The following FA2H variants were observed in gnomAD, a reference collection of about 807,000 sequenced individuals.
FA2H encodes the protein fatty acid 2-hydroxylase, also known as fatty acid alpha-hydroxylase.
In FA2H, 22 loss-of-function variants were observed where a neutral mutation model predicts 44.9. The ratio of observed to expected loss-of-function variants is 0.49; its 90% CI spans 0.35 to 0.70. FA2H has a LOEUF of 0.70. FA2H is among the 30% of genes least tolerant of loss of function. FA2H has a pLI of 0.01. For missense variants in FA2H, 501 were observed against 504.9 expected (o/e 0.99, Z 0.07); for synonymous variants, 243 against 213.2 (o/e 1.14, Z -1.22).
chr16:74,715,881 T>C (rs1433195776), intron 6 of FA2H, among the ~76,000 whole-genome samples: 1 of 151,324 alleles, frequency 6.6e-6, no homozygotes, highest in Non-Finnish European at 1.5e-5. Context: ...AGTGGTGCAA[T>C]CTTAGCTCAC....
At chr16:74,763,710 C>A (rs2144661191) in intron 1 of FA2H, among the ~76,000 whole-genome samples, 1 of 152,108 alleles carries the variant, frequency 6.6e-6, no homozygotes. Context: ...AATTCTACTC[C>A]CCCTCTTAAA....
At chr16:74,721,077 G>A (rs544390925) in intron 4 of FA2H, among the ~76,000 whole-genome samples, 2 of 152,306 alleles carry the variant, frequency 1.3e-5, no homozygotes, top group South Asian at 4.1e-4. Flanking sequence ...TTGGGTACAA[G>A]CCCAGGAGTG....
chr16:74,725,893 T>G (rs1044990012), intron 4 of FA2H: 7 of 367,928 alleles, frequency 1.9e-5, no homozygotes, highest in Middle Eastern at 9.4e-4. Flanking sequence ...TCATTTAGTT[T>G]CTTAGCAAAG....
Position 74,774,769 on chromosome 16 carries a change from A to G in FA2H, c.-14T>C, listed in dbSNP as rs1168383374. ...AGCGGGGGCCATGGCCGGAGACCGCAGCTCCCAGCGCGCAGCCCGGCGTCT... is the reference window on the plus strand; with the variant it reads ...AGCGGGGGCCATGGCCGGAGACCGCGGCTCCCAGCGCGCAGCCCGGCGTCT... On this transcript the variant is annotated 5_prime_UTR_variant, in exon 1 of 7. Transcript: ENST00000219368. The G allele has an allele frequency of 7.8e-7, 1 of 1,285,406 alleles. No individual in the cohort carries two copies. Among genetic ancestry groups the G allele is most frequent in the Non-Finnish European group, 9.8e-7 (1 of 1,022,516 alleles). The allele number at this position is 1,285,406 out of a possible 1,614,324, so 79.6% of individuals were successfully genotyped here. A position where few individuals can be genotyped will look rare whatever the true frequency, so the allele number is the denominator to read the frequency against.
intron 6 of FA2H, among the ~76,000 whole-genome samples, chr16:74,715,143 C>T (rs941191365): frequency 1.3e-5 from 2 of 151,804 alleles, no homozygotes; most frequent in African/African-American, 4.8e-5. Context: ...GAGCAACTTA[C>T]CTATGTGAAC....
At chr16:74,715,367 T>C (rs1162241543) in intron 6 of FA2H, among the ~76,000 whole-genome samples, 2 of 151,628 alleles carry the variant, frequency 1.3e-5, no homozygotes, top group Non-Finnish European at 2.9e-5. Context: ...TCATAGCTCA[T>C]TGCTGCCTCA....
intron 1 of FA2H, among the ~76,000 whole-genome samples, chr16:74,744,586 G>A (rs1315577798): frequency 6.6e-6 from 1 of 151,604 alleles, no homozygotes; most frequent in Non-Finnish European, 1.5e-5. Context: ...CAAGTAGCTG[G>A]GATGATGGGT....
chr16:74,747,335 A>T (rs150971520), intron 1 of FA2H, among the ~76,000 whole-genome samples: 60 of 476 alleles, frequency 0.13, 2 homozygotes, highest in South Asian at 0.47. Context: ...AATAAATAAG[A>T]AAGAAAGAAA....
At chr16:74,737,242 G>A (rs538969467) in intron 2 of FA2H, among the ~76,000 whole-genome samples, 33 of 152,278 alleles carry the variant, frequency 2.2e-4, no homozygotes, top group Admixed American at 7.2e-4. Context: ...AGGGGGACAC[G>A]TGTGTCCAGG....
At chr16:74,739,961 T>C in intron 2 of FA2H, 62 bp downstream of exon 2, 1 of 1,279,798 alleles carries the variant, frequency 7.8e-7, no homozygotes, top group Non-Finnish European at 1.1e-6. Context: ...CCACACACCC[T>C]CTTCCTCTCC....
At chr16:74,752,789 G>T (rs1458426413) in intron 1 of FA2H, among the ~76,000 whole-genome samples, 1 of 152,182 alleles carries the variant, frequency 6.6e-6, no homozygotes, top group Non-Finnish European at 1.5e-5. Context: ...CCTCACCTTT[G>T]GGGACTGTCC....
chr16:74,765,487 C>T (rs1962792677), intron 1 of FA2H, among the ~76,000 whole-genome samples: 2 of 151,764 alleles, frequency 1.3e-5, no homozygotes, highest in African/African-American at 2.4e-5. Context: ...CTTGCATATG[C>T]TAATATTTCC....
At chr16:74,729,201 G>A (rs1030225312) in intron 2 of FA2H, among the ~76,000 whole-genome samples, 2 of 152,028 alleles carry the variant, frequency 1.3e-5, no homozygotes, top group African/African-American at 4.8e-5. Context: ...GTAGACAAGG[G>A]GTTTCACCAT....
At chr16:74,763,094 G>C (rs1050305150) in intron 1 of FA2H, among the ~76,000 whole-genome samples, 1 of 152,180 alleles carries the variant, frequency 6.6e-6, no homozygotes, top group Admixed American at 6.5e-5. Context: ...CTCCACAACA[G>C]GGTCCCAAAG....
At chr16:74,717,110 C>A (rs1435103077) in intron 5 of FA2H, 1 of 154,914 alleles carries the variant, frequency 6.5e-6, no homozygotes, top group Non-Finnish European at 1.4e-5. Flanking sequence ...GGTGTCCTCC[C>A]CACCCCCATG....
At chr16:74,717,598 G>GC (rs745742563) in intron 5 of FA2H, among the ~76,000 whole-genome samples, 8 of 152,222 alleles carry the variant, frequency 5.3e-5, no homozygotes, top group Non-Finnish European at 1.2e-4. Flanking sequence ...GCTGGTATGG[G>GC]CCAGATCCGG....
At chr16:74,764,550 G>A (rs1033135099) in intron 1 of FA2H, among the ~76,000 whole-genome samples, 5 of 152,128 alleles carry the variant, frequency 3.3e-5, no homozygotes, top group Non-Finnish European at 7.4e-5. Context: ...GGAAACAACA[G>A]ATACCTGAGG....
At chr16:74,734,908 C>T (rs762119750) in intron 2 of FA2H, among the ~76,000 whole-genome samples, 181 of 152,360 alleles carry the variant, frequency 1.2e-3, no homozygotes, top group Admixed American at 2.1e-3. Context: ...CAAACTCAGG[C>T]ATATTGCCCC....
chr16:74,738,817 A>T (rs1197903616), intron 2 of FA2H, among the ~76,000 whole-genome samples: 2 of 152,214 alleles, frequency 1.3e-5, no homozygotes, highest in Non-Finnish European at 2.9e-5. Flanking sequence ...GAGGTTCGGA[A>T]ACCAGGTCCC....
Sources: gnomAD v4.1 joint callset for allele counts (sites outside exome capture counted in the v4.1 genomes callset) on GRCh38, gnomAD v4.1.1 for gene constraint, MANE v1.5 for transcripts, NCBI Gene and HGNC (gene_info 2026-07-23, HGNC 2026-07-21) for gene names.